The following CAMTA1 variants were observed in gnomAD, a reference collection of about 807,000 sequenced individuals.
The protein encoded by CAMTA1 is calmodulin binding transcription activator 1.
In CAMTA1, 27 loss-of-function variants were observed where a neutral mutation model predicts 170.9. The observed-to-expected ratio is 0.16, with a 90% CI of 0.12 to 0.22. The LOEUF is 0.22. Ranked by LOEUF, CAMTA1 falls within the 10% of genes least tolerant of loss-of-function variation. The pLI is 1.00. For synonymous variants in CAMTA1, 833 were observed against 891.5 expected, an observed-to-expected ratio of 0.93 and a Z score of 1.17; for missense variants, 1,619 against 2,217.2, an observed-to-expected ratio of 0.73 and a Z score of 5.42.
chr1:6,932,705 ATC>A (rs1684620622), intron 3 of CAMTA1, among the ~76,000 whole-genome samples: 1 of 152,182 alleles, frequency 6.6e-6, no homozygotes, highest in Admixed American at 6.5e-5. Flanking sequence ...CATGTGGTAT[ATC>A]TCGTCATGGT....
intron 6 of CAMTA1, among the ~76,000 whole-genome samples, chr1:7,550,441 C>T (rs981025858): frequency 6.6e-6 from 1 of 151,960 alleles, no homozygotes; most frequent in Non-Finnish European, 1.5e-5. Context: ...CAGCCACTCC[C>T]ACCCGGCTTT....
intron 11 of CAMTA1, among the ~76,000 whole-genome samples, chr1:7,686,729 C>T (rs1407101251): frequency 1.3e-5 from 2 of 152,256 alleles, no homozygotes; most frequent in African/African-American, 4.8e-5. Context: ...GCTCTTGCGT[C>T]CGTTCGGGCA....
intron 5 of CAMTA1, among the ~76,000 whole-genome samples, chr1:7,308,055 G>C (rs1187720644): frequency 6.7e-6 from 1 of 148,196 alleles, no homozygotes; most frequent in Non-Finnish European, 1.5e-5. Flanking sequence ...TTCCAGGGTT[G>C]TTGTTGTTTT....
chr1:7,047,462 A>G (rs953315169), intron 3 of CAMTA1, among the ~76,000 whole-genome samples: 4 of 152,142 alleles, frequency 2.6e-5, no homozygotes, highest in Non-Finnish European at 4.4e-5. Context: ...CTGGCTGTCA[A>G]GTAGATTTAC....
intron 3 of CAMTA1, among the ~76,000 whole-genome samples, chr1:7,069,671 T>A (rs1032739252): frequency 1.3e-5 from 2 of 152,020 alleles, no homozygotes; most frequent in African/African-American, 4.8e-5. Flanking sequence ...GACAGCAGGC[T>A]CTGGGGGTGC....
At chr1:7,543,546 T>C (rs562525709) in intron 6 of CAMTA1, among the ~76,000 whole-genome samples, 1 of 152,356 alleles carries the variant, frequency 6.6e-6, no homozygotes, top group Admixed American at 6.5e-5. Flanking sequence ...ATTTACAAAA[T>C]ATAGCAGTTC....
chr1:6,968,487 G>A (rs1691961964), intron 3 of CAMTA1, among the ~76,000 whole-genome samples: 1 of 152,172 alleles, frequency 6.6e-6, no homozygotes, highest in Non-Finnish European at 1.5e-5. Flanking sequence ...TATGACAAAT[G>A]TTTACTGTGT....
intron 5 of CAMTA1, among the ~76,000 whole-genome samples, chr1:7,425,985 G>A (rs1473135180): frequency 6.6e-6 from 1 of 152,008 alleles, no homozygotes; most frequent in Non-Finnish European, 1.5e-5. Flanking sequence ...GGGGCCAGGT[G>A]CTGAGAAAAG....
At position 7,039,324 on chromosome 1, in the gene CAMTA1, C is replaced by A. The variant is rs141170837; in HGVS notation, c.235-51980C>A. On this transcript the variant is annotated intron_variant, in intron 3 of 22. Transcript: ENST00000303635. ...GTTATACAAAGCTTTGCTTCCCTTG[C>A]AAAGCTACAAAATGCCCAGGCAACC... Among the ~76,000 whole-genome samples the A allele has an allele frequency of 2.3e-3, 357 of 152,268 alleles. 5 individuals carry two copies. Among genetic ancestry groups the A allele is most frequent in the African/African-American group, 8.3e-3 (345 of 41,540 alleles).
intron 6 of CAMTA1, among the ~76,000 whole-genome samples, chr1:7,508,359 GC>G (rs1375314534): frequency 6.6e-6 from 1 of 152,230 alleles, no homozygotes; most frequent in Non-Finnish European, 1.5e-5. Context: ...GGGACGTGGG[GC>G]TGGTGAGGCT....
At chr1:7,751,901 A>T (rs9919220) in intron 20 of CAMTA1, among the ~76,000 whole-genome samples, 1 of 152,088 alleles carries the variant, frequency 6.6e-6, no homozygotes, top group African/African-American at 2.4e-5. Flanking sequence ...ATGATGCTAC[A>T]TTCCGATTAG....
chr1:7,664,069 G>A lies in CAMTA1; in HGVS notation c.1522G>A (p.Val508Ile). The A allele has an allele frequency of 2.5e-6, 4 of 1,613,710 alleles. No individual in the cohort carries two copies. Among genetic ancestry groups the A allele is most frequent in the African/African-American group, 1.3e-5 (1 of 75,056 alleles). ...GGGTGGAGGCCTGAAAGCCGAGATG[G>A]TCAGCTCCAACATCCGGCACTCGCC... ...YGGGGLKAEMVSSNIRHSPPG... is the reference protein window; with the variant it reads ...YGGGGLKAEMISSNIRHSPPG... Residue 508 changes from valine to isoleucine, a missense_variant, in exon 9 of 23, where the codon GTC (valine) becomes ATC (isoleucine). Around this residue, in one of 8 missense-constraint regions of CAMTA1, gnomAD observed 731 missense variants for 907.6 expected, o/e 0.81. Transcript: ENST00000303635.
At chr1:7,718,144 T>C (rs1363528191) in intron 11 of CAMTA1, among the ~76,000 whole-genome samples, 1 of 150,850 alleles carries the variant, frequency 6.6e-6, no homozygotes, top group East Asian at 1.9e-4. Context: ...TTGAGTTGTC[T>C]TGTTCACCCT....
intron 4 of CAMTA1, among the ~76,000 whole-genome samples, chr1:7,186,498 C>G (rs1174920419): frequency 6.6e-6 from 1 of 152,040 alleles, no homozygotes; most frequent in Non-Finnish European, 1.5e-5. Context: ...GGAGATGTCC[C>G]TTTCTTATTG....
At chr1:7,687,140 A>G (rs1197866881) in intron 11 of CAMTA1, among the ~76,000 whole-genome samples, 1 of 151,658 alleles carries the variant, frequency 6.6e-6, no homozygotes, top group Admixed American at 6.6e-5. Context: ...GAGCACGAAG[A>G]CTCCGTGAAA....
At chr1:7,599,196 A>G (rs1178054240) in intron 6 of CAMTA1, among the ~76,000 whole-genome samples, 1 of 152,178 alleles carries the variant, frequency 6.6e-6, no homozygotes, top group Non-Finnish European at 1.5e-5. Context: ...TTAAATAGGG[A>G]ATCCTTTCCC....
chr1:7,472,557 C>T (rs1156520941), intron 6 of CAMTA1, among the ~76,000 whole-genome samples: 2 of 152,160 alleles, frequency 1.3e-5, no homozygotes, highest in African/African-American at 4.8e-5. Context: ...GGGGCACCAC[C>T]ATCACCCCTG....
intron 6 of CAMTA1, among the ~76,000 whole-genome samples, chr1:7,475,484 G>A (rs2093406023): frequency 6.6e-6 from 1 of 152,214 alleles, no homozygotes; most frequent in Non-Finnish European, 1.5e-5. Context: ...AGCAGGGAGG[G>A]GAAGGTGTCC....
At chr1:7,445,781 A>G (rs17030886) in intron 5 of CAMTA1, among the ~76,000 whole-genome samples, 18,847 of 152,190 alleles carry the variant, frequency 0.12, 2,082 homozygotes, top group East Asian at 0.34. Flanking sequence ...TAAGCGATGA[A>G]CATCTCAATT....
Sources: allele counts gnomAD v4.1 joint callset (sites outside exome capture counted in the v4.1 genomes callset), GRCh38; gene constraint gnomAD v4.1.1; regional missense constraint gnomAD v4.1.1; transcripts MANE v1.5; gene names NCBI Gene and HGNC (gene_info 2026-07-23, HGNC 2026-07-21).